ADAMTS9: variants seen among roughly 807,000 people sequenced by gnomAD.
The protein encoded by ADAMTS9 is A disintegrin and metalloproteinase with thrombospondin motifs 9.
In ADAMTS9, 107 loss-of-function variants were observed where a neutral mutation model predicts 257.1. That is an observed-to-expected ratio of 0.42 (90% CI 0.36 to 0.49). The LOEUF is 0.49. Among genes scored for constraint, ADAMTS9 ranks in the 20% least tolerant of loss-of-function variants. ADAMTS9 has a pLI of 0.03. For synonymous variants in ADAMTS9, 982 were observed against 880.9 expected, an observed-to-expected ratio of 1.11 and a Z score of -2.03; for missense variants, 2,353 against 2,469.1, an observed-to-expected ratio of 0.95 and a Z score of 1.00.
rs1356349463 is a variant in ADAMTS9, at chr3:64,546,817, G to C, written c.5005C>G (p.Pro1669Ala). ...CPGTQPPSVH[P>A]CYLRDCPVSA... The stretch of plus-strand genomic sequence containing the variant: ...ACAGGGCAGTCCCTCAGGTAACAGG[G>C]GTGAACACTGGGGGGCTGCGTGCCT... Residue 1669 changes from proline (P) to alanine (A), a missense_variant, in exon 32 of 40, where the codon CCC (proline) becomes GCC (alanine). By Grantham distance (27) the Pro-to-Ala change is conservative. This residue lies in a region of ADAMTS9 where 1,402 missense variants were observed against 1,441.4 expected (regional missense o/e 0.97). Coordinates refer to ENST00000498707, the MANE Select transcript of ADAMTS9 (RefSeq NM_182920.2). The C allele has an allele frequency of 1.2e-6, 2 of 1,613,842 alleles. No homozygotes were observed. The highest frequency in any genetic ancestry group is 1.7e-6 in the Non-Finnish European group (2 of 1,179,934).
Position 64,541,583 on chromosome 3 carries a change from A to C in ADAMTS9, c.5235T>G (p.Leu1745=). 6.2e-7 allele frequency: 1 copy of C among 1,614,114 alleles called. No individual in the cohort carries two copies. The highest frequency in any genetic ancestry group is 1.7e-5 in the Admixed American group (1 of 60,016). ...ATTCACCATCTTCACTGGCACCTTT[A>C]AGTCTTTTTACCTCCTTGCAATTCT... ...LPQNCKEVKR[L]KGASEDGEYF... Residue 1745 remains leucine, a synonymous_variant, in exon 34 of 40, where the codon CTT becomes CTG. Transcript: ENST00000498707.
intron 28 of ADAMTS9, among the ~76,000 whole-genome samples, chr3:64,571,892 G>A (rs1223768738): frequency 1.3e-5 from 2 of 152,178 alleles, no homozygotes; most frequent in Non-Finnish European, 2.9e-5. Flanking sequence ...ATTTCCATCA[G>A]ATCATTTCCA....
chr3:64,650,005 T>A, intron 9 of ADAMTS9: 1 of 474,510 alleles, frequency 2.1e-6, no homozygotes, highest in Non-Finnish European at 3.7e-6. Context: ...CAGTAGGAAA[T>A]ATACACCTGT....
At chr3:64,524,352 C>G (rs572027852) in intron 38 of ADAMTS9, among the ~76,000 whole-genome samples, 6 of 152,276 alleles carry the variant, frequency 3.9e-5, no homozygotes, top group African/African-American at 1.4e-4. Flanking sequence ...CTTTACTTGC[C>G]TGCCAAGCCA....
intron 19 of ADAMTS9, 44 bp from the exon 20 acceptor site, chr3:64,616,214 T>G (rs749898593): frequency 6.3e-7 from 1 of 1,594,862 alleles, no homozygotes; most frequent in East Asian, 2.2e-5. Context: ...CTGTTAAAAA[T>G]ATATGCCTTA....
intron 19 of ADAMTS9, among the ~76,000 whole-genome samples, chr3:64,620,436 C>T (rs1700077184): frequency 6.6e-6 from 1 of 152,080 alleles, no homozygotes; most frequent in South Asian, 2.1e-4. Context: ...GAGGACAAAA[C>T]AGCAACTCAC....
intron 36 of ADAMTS9, among the ~76,000 whole-genome samples, chr3:64,540,730 C>A (rs2083109977): frequency 6.6e-6 from 1 of 152,170 alleles, no homozygotes; most frequent in African/African-American, 2.4e-5. Flanking sequence ...ATTTCAATGT[C>A]ATATTTTCTG....
intron 3 of ADAMTS9, among the ~76,000 whole-genome samples, chr3:64,675,474 C>T (rs927357159): frequency 6.6e-6 from 1 of 151,992 alleles, no homozygotes; most frequent in African/African-American, 2.4e-5. Flanking sequence ...GTTTAATTAG[C>T]CATGTGTGGT....
chr3:64,622,996 A>G (rs1209448745), intron 16 of ADAMTS9, among the ~76,000 whole-genome samples: 1 of 152,238 alleles, frequency 6.6e-6, no homozygotes, highest in Non-Finnish European at 1.5e-5. Context: ...ACAAATCTAT[A>G]TATACTAGAA....
rs185873027 is a variant in ADAMTS9, at chr3:64,594,675, T to C, written c.4180-241A>G. Among the ~76,000 whole-genome samples, 347 of 152,344 alleles carry C rather than the reference T, an allele frequency of 2.3e-3. 9 individuals are homozygous for C. In the East Asian group the frequency reaches 0.04, roughly 18 times the overall value. ...AACTTGCACTGAGGACTTTTGCATATATTATCTAATCAAGAGGAGTGTAAT... is the reference window on the plus strand; with the variant it reads ...AACTTGCACTGAGGACTTTTGCATACATTATCTAATCAAGAGGAGTGTAAT... On this transcript the variant is annotated intron_variant, in intron 27 of 39. Transcript: ENST00000498707.
rs575480807 is a variant in ADAMTS9, at chr3:64,597,431, T to C, written c.4018-440A>G. ...CGCGGAGGTCAAATTACATGCCTAATGAATTGCCAGTTGTAGAAATTAAGC... is the reference window on the plus strand; with the variant it reads ...CGCGGAGGTCAAATTACATGCCTAACGAATTGCCAGTTGTAGAAATTAAGC... On this transcript the variant is annotated intron_variant, in intron 26 of 39. Transcript: ENST00000498707. Among the ~76,000 whole-genome samples the C allele has an allele frequency of 2.0e-5, 3 of 152,346 alleles. No homozygotes were observed. In the South Asian group the frequency reaches 6.2e-4, roughly 32 times the overall value.
intron 2 of ADAMTS9, among the ~76,000 whole-genome samples, chr3:64,682,237 A>C (rs1701775959): frequency 6.6e-6 from 1 of 152,210 alleles, no homozygotes; most frequent in Non-Finnish European, 1.5e-5. Flanking sequence ...GGATAAAGAT[A>C]CTTAATGTAA....
intron 21 of ADAMTS9, among the ~76,000 whole-genome samples, chr3:64,614,616 G>A (rs184441439): frequency 1.1e-3 from 175 of 152,260 alleles, no homozygotes; most frequent in African/African-American, 4.1e-3. Flanking sequence ...AACGTGGAGT[G>A]AGTCCCTGCT....
chr3:64,624,774 T>A (rs114186508), intron 16 of ADAMTS9, among the ~76,000 whole-genome samples: 29 of 152,342 alleles, frequency 1.9e-4, no homozygotes, highest in African/African-American at 6.7e-4. Flanking sequence ...ATTTTGTTGA[T>A]GGTCAAATAC....
At chr3:64,543,240 A>G (rs2106915486) in intron 32 of ADAMTS9, among the ~76,000 whole-genome samples, 1 of 152,316 alleles carries the variant, frequency 6.6e-6, no homozygotes, top group African/African-American at 2.4e-5. Flanking sequence ...CAATAGAAAA[A>G]GAGGGAATCC....
chr3:64,548,617 A>G (rs1404022870), intron 31 of ADAMTS9, among the ~76,000 whole-genome samples: 1 of 151,840 alleles, frequency 6.6e-6, no homozygotes, highest in Non-Finnish European at 1.5e-5. Flanking sequence ...CCAGTGGGAG[A>G]CAGGCATTTG....
In ADAMTS9 at chr3:64,525,540, G is replaced by T. The variant is rs185648028; in HGVS notation, c.5719-3280C>A. Among the ~76,000 whole-genome samples the T allele has an allele frequency of 5.3e-5, 8 of 151,836 alleles. No homozygotes were observed. In the East Asian group the frequency reaches 9.7e-4, roughly 18 times the overall value. ...ACTAAGAAAGCCTCTTGAAAACAAT[G>T]GATAATCTCATTTTAAAAAAGGAAG... is the stretch of plus-strand genomic sequence containing the variant. On this transcript the variant is annotated intron_variant, in intron 38 of 39. Transcript: ENST00000498707.
At chr3:64,675,696 T>C (rs556788427) in intron 3 of ADAMTS9, among the ~76,000 whole-genome samples, 1 of 152,206 alleles carries the variant, frequency 6.6e-6, no homozygotes. Flanking sequence ...TGGCCCATAG[T>C]ATAGCACATT....
chr3:64,546,643 T>C lies in ADAMTS9; in HGVS notation c.5064+115A>G, dbSNP rs112507428. 46 of 1,160,874 alleles carry C rather than the reference T, an allele frequency of 4.0e-5. No homozygotes were observed. In the African/African-American group the frequency reaches 5.3e-4, roughly 13 times the overall value. The allele number at this position is 1,160,874 out of a possible 1,614,324, so 71.9% of individuals were successfully genotyped here. On this transcript the variant is annotated intron_variant, in intron 32 of 39. Coordinates refer to ENST00000498707, the MANE Select transcript of ADAMTS9 (RefSeq NM_182920.2). Reference sequence around the variant, plus strand: ...TGTTAGCCCATTTCAAGTTGCTAACTCCAGGGTTTCTCCTGGAAGTAGAGT... The same window carrying C: ...TGTTAGCCCATTTCAAGTTGCTAACCCCAGGGTTTCTCCTGGAAGTAGAGT...
Sources: gnomAD v4.1 joint callset for allele counts (sites outside exome capture counted in the v4.1 genomes callset) on GRCh38, gnomAD v4.1.1 for gene constraint, gnomAD v4.1.1 regional missense constraint, MANE v1.5 for transcripts, NCBI Gene and HGNC (gene_info 2026-07-23, HGNC 2026-07-21) for gene names.